The following OCA2 variants were observed in gnomAD, a reference collection of about 807,000 sequenced individuals.
OCA2 encodes OCA2 melanosomal transmembrane protein.
A neutral mutation model predicts 100.2 loss-of-function variants in OCA2; 77 were observed. The observed-to-expected ratio is 0.77, with a 90% CI of 0.64 to 0.93. The LOEUF is 0.93. Among genes scored for constraint, OCA2 ranks in the 40% least tolerant of loss-of-function variants. OCA2 has a pLI of 0.00. For synonymous variants in OCA2, 432 were observed against 439.2 expected (o/e 0.98, Z 0.21); for missense variants, 1,062 against 1,089.1 (o/e 0.98, Z 0.35).
intron 2 of OCA2, among the ~76,000 whole-genome samples, chr15:28,064,702 CT>C (rs141547603): frequency 0.079 from 12,002 of 151,652 alleles, 512 homozygotes; most frequent in Middle Eastern, 0.1. Context: ...ATTTGTCCTT[CT>C]TTTTCCTTTA....
intron 19 of OCA2, among the ~76,000 whole-genome samples, chr15:27,908,685 G>C (rs530318046): frequency 2.0e-5 from 3 of 152,248 alleles, no homozygotes; most frequent in Admixed American, 2.0e-4. Context: ...TCCCATGGTG[G>C]GGGCTCACAG....
chr15:27,840,733 C>T (rs964983243), intron 23 of OCA2, among the ~76,000 whole-genome samples: 1 of 152,174 alleles, frequency 6.6e-6, no homozygotes, highest in African/African-American at 2.4e-5. Context: ...AAAATAAAAC[C>T]TTGATCTAAA....
chr15:27,749,550 T>C, the OCA2 span, among the ~76,000 whole-genome samples: 1 of 152,114 alleles, frequency 6.6e-6, no homozygotes, highest in African/African-American at 2.4e-5. Flanking sequence ...GAAATGAAAA[T>C]GTCCCTATTA....
At chr15:27,943,940 T>C (rs1398155156) in intron 18 of OCA2, among the ~76,000 whole-genome samples, 1 of 152,198 alleles carries the variant, frequency 6.6e-6, no homozygotes, top group Non-Finnish European at 1.5e-5. Flanking sequence ...AAAATCAAGC[T>C]GTAACTCAAC....
rs142129403 is a variant in OCA2, at chr15:27,825,584, G to A, written c.2432+19375C>T. 3.9e-3 allele frequency among the ~76,000 whole-genome samples: 593 copies of A among 152,254 alleles called. 6 individuals are homozygous for A. Among genetic ancestry groups the A allele is most frequent in the African/African-American group, 0.014 (567 of 41,542 alleles). On this transcript the variant is annotated intron_variant, in intron 23 of 23. Coordinates refer to ENST00000354638, the MANE Select transcript of OCA2 (RefSeq NM_000275.3). Reference sequence around the variant, plus strand: ...GATGGTGTGGGTCACAGGCTACTGCGGACTTGACCGTGAGCAGAGTCCAGG... The same window carrying A: ...GATGGTGTGGGTCACAGGCTACTGCAGACTTGACCGTGAGCAGAGTCCAGG...
chr15:27,955,135 C>T (rs1159133844), intron 17 of OCA2, 23 bp downstream of exon 17: 2 of 1,575,262 alleles, frequency 1.3e-6, no homozygotes, highest in Non-Finnish European at 1.7e-6. Context: ...ATCAGAAATC[C>T]CTGAGGAAAG....
rs78217184 is a variant in OCA2, at chr15:28,047,256, C to T, written c.228-15093G>A. ...TTCAAAGACAATTTCCCAGAATCCT[C>T]CTCCAGAGACTCTGATTCAGAAGAG... On this transcript the variant is annotated intron_variant, in intron 2 of 23. Coordinates refer to ENST00000354638, the MANE Select transcript of OCA2 (RefSeq NM_000275.3). Among the ~76,000 whole-genome samples the T allele has an allele frequency of 8.7e-4, 133 of 152,322 alleles. 1 individual carries two copies. The East Asian group carries it at 0.017, about 19-fold the overall frequency.
chr15:27,882,359 T>C (rs976546669), intron 19 of OCA2, among the ~76,000 whole-genome samples: 7 of 152,234 alleles, frequency 4.6e-5, no homozygotes, highest in Admixed American at 3.9e-4. Flanking sequence ...AGCAACTCTT[T>C]TTTATTTAAG....
intron 2 of OCA2, among the ~76,000 whole-genome samples, chr15:28,070,961 G>C (rs1205932392): frequency 6.8e-6 from 1 of 146,008 alleles, no homozygotes; most frequent in African/African-American, 2.6e-5. Flanking sequence ...ATGCTTGAAG[G>C]CAGCATGCTC....
chr15:27,763,197 T>C (rs563506260), intron 23 of OCA2, among the ~76,000 whole-genome samples: 2 of 152,216 alleles, frequency 1.3e-5, no homozygotes, highest in Non-Finnish European at 2.9e-5. Flanking sequence ...AGGATAAAAA[T>C]CTGAGGCCTA....
intron 19 of OCA2, among the ~76,000 whole-genome samples, chr15:27,901,755 A>C (rs2037943939): frequency 6.6e-6 from 1 of 152,238 alleles, no homozygotes; most frequent in African/African-American, 2.4e-5. Flanking sequence ...ACAGATTTTT[A>C]AATGATGATA....
intron 21 of OCA2, among the ~76,000 whole-genome samples, chr15:27,858,193 G>A (rs1261712644): frequency 6.6e-6 from 1 of 152,050 alleles, no homozygotes; most frequent in Non-Finnish European, 1.5e-5. Context: ...GGCCAACATG[G>A]TGAAACCTCA....
chr15:27,793,824 A>G lies in OCA2; in HGVS notation c.2433-38352T>C, dbSNP rs1476317021. The stretch of plus-strand genomic sequence containing the variant: ...TGACAGAGCCTTTTCCTTATTCACA[A>G]TGCTGGCTTGTGTTGCCAGGGGGCT... On this transcript the variant is annotated intron_variant, in intron 23 of 23. Coordinates refer to ENST00000354638, the MANE Select transcript of OCA2 (RefSeq NM_000275.3). Among the ~76,000 whole-genome samples the G allele has an allele frequency of 2.0e-5, 3 of 152,288 alleles. No homozygotes were observed. In the East Asian group the frequency reaches 5.8e-4, roughly 30 times the overall value.
chr15:28,055,474 T>G (rs915158480), intron 2 of OCA2, among the ~76,000 whole-genome samples: 2 of 152,204 alleles, frequency 1.3e-5, no homozygotes, highest in Non-Finnish European at 2.9e-5. Flanking sequence ...GTTCGAGGGC[T>G]TTGGGCAGAG....
intron 4 of OCA2, 110 bp from the exon 5 acceptor site, chr15:28,025,012 A>AG: frequency 1.0e-6 from 1 of 994,448 alleles, no homozygotes; most frequent in Non-Finnish European, 1.6e-6. Context: ...ATGTGTTTTG[A>AG]ATTCTTTCCA....
At chr15:27,818,433 C>A (rs2034387758) in intron 23 of OCA2, among the ~76,000 whole-genome samples, 1 of 152,148 alleles carries the variant, frequency 6.6e-6, no homozygotes, top group African/African-American at 2.4e-5. Flanking sequence ...TCATCTCTAT[C>A]CTCAAGAATT....
chr15:27,981,370 A>C (rs1313854738), intron 14 of OCA2, among the ~76,000 whole-genome samples: 3 of 152,206 alleles, frequency 2.0e-5, no homozygotes, highest in Non-Finnish European at 2.9e-5. Flanking sequence ...ATGCCTGATA[A>C]TCAGTGATTG....
intron 18 of OCA2, among the ~76,000 whole-genome samples, chr15:27,938,523 G>A (rs1354902303): frequency 6.6e-6 from 1 of 152,112 alleles, no homozygotes; most frequent in Non-Finnish European, 1.5e-5. Context: ...CAGGGTCAGG[G>A]AATGGTACAG....
chr15:27,983,569 T>TGCTCGTATAAGGGAGGCGCGC (rs1184768480), intron 13 of OCA2, 86 bp from the exon 14 acceptor site: 1 of 1,477,748 alleles, frequency 6.8e-7, no homozygotes, highest in African/African-American at 1.4e-5. Context: ...TTAAGGCGCT[T>TGCTCGTATAAGGGAGGCGCGC]GCTCGTATAA....
Sources: allele counts gnomAD v4.1 joint callset (sites outside exome capture counted in the v4.1 genomes callset), GRCh38; gene constraint gnomAD v4.1.1; transcripts MANE v1.5; gene names NCBI Gene and HGNC (gene_info 2026-07-23, HGNC 2026-07-21).